The following ANOS1 variants were observed in gnomAD, a reference collection of about 807,000 sequenced individuals.
The protein encoded by ANOS1 is anosmin-1.
Under a neutral mutation model 59.0 loss-of-function variants are expected in ANOS1, and 6 were observed. The observed-to-expected ratio is 0.10, with a 90% CI of 0.06 to 0.20. The LOEUF is 0.20. Ranked by LOEUF, ANOS1 falls within the 10% of genes least tolerant of loss-of-function variation. The probability of loss-of-function intolerance (pLI) is 1.00; values close to 1 mark genes in which losing one functional copy is unlikely to be tolerated. For missense variants in ANOS1, 433 were observed against 542.3 expected, an observed-to-expected ratio of 0.80 and a Z score of 2.00; for synonymous variants, 217 against 223.4, an observed-to-expected ratio of 0.97 and a Z score of 0.25.
At chrX:8,604,863 A>C (rs1162528373) in intron 3 of ANOS1, among the ~76,000 whole-genome samples, 1 of 112,877 alleles carries the variant, frequency 8.9e-6, no homozygotes, top group Admixed American at 9.4e-5. Flanking sequence ...CTCTGAAGTC[A>C]GTGACATCAA....
chrX:8,627,928 G>A (rs7880564), intron 2 of ANOS1, among the ~76,000 whole-genome samples: 1,878 of 111,036 alleles, frequency 0.017, 44 homozygotes, highest in African/African-American at 0.058. Context: ...CAGGGGCTGG[G>A]TAAAATGAGG....
intron 1 of ANOS1, among the ~76,000 whole-genome samples, chrX:8,705,709 C>T (rs1322907937): frequency 1.8e-5 from 2 of 112,403 alleles, no homozygotes; most frequent in African/African-American, 3.2e-5. Context: ...AGAAGTCCTT[C>T]GTCAGATTAC....
chrX:8,726,059 A>G (rs953269401), intron 1 of ANOS1, among the ~76,000 whole-genome samples: 2 of 110,585 alleles, frequency 1.8e-5, no homozygotes, highest in African/African-American at 6.6e-5. Context: ...CCATCCTGCA[A>G]TATAACTGAA....
At position 8,569,279 on chromosome X, in the gene ANOS1, T is replaced by C. The variant is rs73472347; in HGVS notation, c.1063-903A>G. On this transcript the variant is annotated intron_variant, in intron 7 of 13. Coordinates refer to ENST00000262648, the MANE Select transcript of ANOS1 (RefSeq NM_000216.4). ...CAGCTCTTCCAGCTCATGCAATAAG[T>C]GTGCACTACCATTATCATTTGTAGC... Among the ~76,000 whole-genome samples, 287 of 112,342 alleles carry C rather than the reference T, an allele frequency of 2.6e-3. 3 individuals carry two copies. Among genetic ancestry groups the C allele is most frequent in the African/African-American group, 9.1e-3 (281 of 30,950 alleles).
At chrX:8,580,069 T>G (rs1930395936) in intron 6 of ANOS1, among the ~76,000 whole-genome samples, 1 of 112,115 alleles carries the variant, frequency 8.9e-6, no homozygotes, top group Non-Finnish European at 1.9e-5. Flanking sequence ...TATCAACTTA[T>G]GTAGCAATAT....
chrX:8,701,514 C>T, intron 1 of ANOS1, among the ~76,000 whole-genome samples: 1 of 111,959 alleles, frequency 8.9e-6, no homozygotes, highest in African/African-American at 3.2e-5. Flanking sequence ...AAACCTGTAC[C>T]TATTTGTAAT....
intron 2 of ANOS1, among the ~76,000 whole-genome samples, chrX:8,656,191 G>A (rs1487418656): frequency 2.7e-5 from 3 of 112,413 alleles, no homozygotes; most frequent in Non-Finnish European, 3.8e-5. Flanking sequence ...CTGCATTCCC[G>A]CAAATGTGTC....
At chrX:8,547,240 A>C (rs760335977) in intron 9 of ANOS1, among the ~76,000 whole-genome samples, 2 of 111,481 alleles carry the variant, frequency 1.8e-5, no homozygotes, top group African/African-American at 6.5e-5. Flanking sequence ...GCTTCCTGGC[A>C]TACCATATAA....
chrX:8,631,855 G>C (rs762219008), intron 2 of ANOS1, among the ~76,000 whole-genome samples: 23 of 112,010 alleles, frequency 2.1e-4, no homozygotes, highest in Non-Finnish European at 3.9e-4. Flanking sequence ...ACGGCCAAGT[G>C]GTAGGGTTTA....
chrX:8,667,174 C>G (rs756097270), intron 2 of ANOS1, among the ~76,000 whole-genome samples: 70 of 111,912 alleles, frequency 6.3e-4, no homozygotes, highest in Non-Finnish European at 1.2e-3. Context: ...TCTAGCACCA[C>G]AACATTCAAG....
chrX:8,587,485 T>C (rs1930539018), intron 5 of ANOS1, among the ~76,000 whole-genome samples: 2 of 112,007 alleles, frequency 1.8e-5, no homozygotes, highest in African/African-American at 6.5e-5. Context: ...TTCCTCTAGT[T>C]GGCTTTGAGT....
chrX:8,581,195 T>C (rs1264925783), intron 6 of ANOS1, among the ~76,000 whole-genome samples: 3 of 111,102 alleles, frequency 2.7e-5, no homozygotes, highest in Non-Finnish European at 3.8e-5. Context: ...GGGAGGTAAT[T>C]GAATCATGGG....
rs758975733 is a variant in ANOS1, at chrX:8,590,591, T to C, written c.542-2613A>G. 7.5e-4 allele frequency among the ~76,000 whole-genome samples: 84 copies of C among 112,170 alleles called. 1 individual carries two copies. The highest frequency in any genetic ancestry group is 2.7e-3 in the African/African-American group (82 of 30,889). ...TCATTTAATGATGCCTGTCTTTCCATTAAGCCACAGCCCCCAGAGGTCAAA... is the reference window on the plus strand; with the variant it reads ...TCATTTAATGATGCCTGTCTTTCCACTAAGCCACAGCCCCCAGAGGTCAAA... On this transcript the variant is annotated intron_variant, in intron 4 of 13. Transcript: ENST00000262648.
chrX:8,633,866 T>G (rs1298694398), intron 2 of ANOS1, among the ~76,000 whole-genome samples: 3 of 111,891 alleles, frequency 2.7e-5, no homozygotes, highest in Non-Finnish European at 5.6e-5. Context: ...AAAGAAAGAC[T>G]GAGGAATGGT....
At chrX:8,722,145 T>A (rs934015217) in intron 1 of ANOS1, among the ~76,000 whole-genome samples, 1 of 112,562 alleles carries the variant, frequency 8.9e-6, no homozygotes, top group African/African-American at 3.2e-5. Context: ...ATCTTTGGAA[T>A]TGTAACAATC....
At chrX:8,564,021 G>C (rs1184085746) in intron 8 of ANOS1, among the ~76,000 whole-genome samples, 2 of 111,428 alleles carry the variant, frequency 1.8e-5, no homozygotes, top group Non-Finnish European at 3.8e-5. Flanking sequence ...GGCTGGAGCT[G>C]AGTCATTGAG....
At chrX:8,550,716 G>A (rs1929842272) in intron 9 of ANOS1, among the ~76,000 whole-genome samples, 1 of 109,854 alleles carries the variant, frequency 9.1e-6, no homozygotes, top group Non-Finnish European at 1.9e-5. Flanking sequence ...GCACTGTAGA[G>A]CTTTGGGGAA....
intron 2 of ANOS1, among the ~76,000 whole-genome samples, chrX:8,632,312 G>A: frequency 8.9e-6 from 1 of 112,227 alleles, no homozygotes; most frequent in Middle Eastern, 4.6e-3. Flanking sequence ...TATTTGCTCA[G>A]GTGGACTTTT....
chrX:8,667,069 A>G (rs59722773), intron 2 of ANOS1, among the ~76,000 whole-genome samples: 3,249 of 111,566 alleles, frequency 0.029, 99 homozygotes, highest in African/African-American at 0.09. Flanking sequence ...ATAGAACTCC[A>G]TAGGTGTTAG....
Sources: allele counts gnomAD v4.1 joint callset (sites outside exome capture counted in the v4.1 genomes callset), GRCh38; gene constraint gnomAD v4.1.1; transcripts MANE v1.5; gene names NCBI Gene and HGNC (gene_info 2026-07-23, HGNC 2026-07-21).